VDAC1: variants seen among roughly 807,000 people sequenced by gnomAD.
The protein encoded by VDAC1 is non-selective voltage-gated ion channel VDAC1.
A neutral mutation model predicts 34.7 loss-of-function variants in VDAC1; 10 were observed. The observed-to-expected ratio is 0.29, with a 90% confidence interval of 0.18 to 0.49. The LOEUF is 0.49. VDAC1 is among the 20% of genes least tolerant of loss of function. VDAC1 has a pLI of 0.99. For missense variants in VDAC1, 230 were observed against 347.9 expected, an observed-to-expected ratio of 0.66 and a Z score of 2.69; for synonymous variants, 130 against 136.0, an observed-to-expected ratio of 0.96 and a Z score of 0.30.
the VDAC1 span, among the ~76,000 whole-genome samples, chr5:134,014,581 G>A: frequency 6.6e-6 from 1 of 152,038 alleles, no homozygotes; most frequent in Non-Finnish European, 1.5e-5. Flanking sequence ...AGGAAAATAA[G>A]TCATGGCTGA....
the VDAC1 span, among the ~76,000 whole-genome samples, chr5:134,016,987 C>T: frequency 7.9e-5 from 12 of 152,144 alleles, no homozygotes; most frequent in Non-Finnish European, 1.3e-4. Context: ...GCAGCAAGGC[C>T]CATGTGCCCC....
the VDAC1 span, among the ~76,000 whole-genome samples, chr5:134,029,082 G>C: frequency 6.6e-6 from 1 of 152,270 alleles, no homozygotes; most frequent in Admixed American, 6.5e-5. Flanking sequence ...TTTTCACACT[G>C]AAAGTCCCAC....
At chr5:134,105,526 T>C in the VDAC1 span, among the ~76,000 whole-genome samples, 1 of 152,194 alleles carries the variant, frequency 6.6e-6, no homozygotes, top group Non-Finnish European at 1.5e-5. Context: ...GCTACATGAG[T>C]GTTCCCAGTC....
the VDAC1 span, among the ~76,000 whole-genome samples, chr5:134,071,853 C>A: frequency 6.6e-6 from 1 of 152,118 alleles, no homozygotes. The surrounding 1 kb of genome is among the most constrained non-coding windows in gnomAD (Gnocchi z 4.1). Context: ...ATAATGGTCA[C>A]AGATCCACTC....
At chr5:134,102,675 AT>A in the VDAC1 span, among the ~76,000 whole-genome samples, 1 of 152,224 alleles carries the variant, frequency 6.6e-6, no homozygotes, top group African/African-American at 2.4e-5. Flanking sequence ...TCTCAAAAAA[AT>A]AAAATAAAAT....
chr5:134,054,899 C>T, the VDAC1 span, among the ~76,000 whole-genome samples: 13 of 152,178 alleles, frequency 8.5e-5, no homozygotes, highest in East Asian at 1.9e-4. Context: ...CTAGAGGTGG[C>T]GAGCAGAGGG....
the VDAC1 span, among the ~76,000 whole-genome samples, chr5:134,035,851 C>CA: frequency 6.6e-6 from 1 of 151,790 alleles, no homozygotes; most frequent in African/African-American, 2.4e-5. Flanking sequence ...CTAAAAACTA[C>CA]AAAAATTAGC....
the VDAC1 span, among the ~76,000 whole-genome samples, chr5:134,023,020 C>T: frequency 6.6e-6 from 1 of 152,322 alleles, no homozygotes; most frequent in East Asian, 1.9e-4. Context: ...AAGACACAGG[C>T]ACGCATATGT....
At position 133,980,873 on chromosome 5, in the gene VDAC1, G is replaced by A. The variant is rs1387148486; in HGVS notation, c.407C>T (p.Pro136Leu). 1.2e-6 allele frequency: 2 copies of A among 1,614,042 alleles called. No homozygotes were observed. The highest frequency in any genetic ancestry group is 2.2e-5 in the South Asian group (2 of 91,068). The change falls in exon 6 of 9, where the codon CCT becomes CTT. Residue 136 changes from proline to leucine, a missense_variant. Coordinates refer to ENST00000265333, the MANE Select transcript of VDAC1 (RefSeq NM_003374.3). ...TAGCACCAGAGCACCCCGGATGGAA[G>A]GCCCAGCAATGTCGAAATCCATGTC... ...GCDMDFDIAG[P>L]SIRGALVLGY... is the part of the protein sequence containing the mutation.
At chr5:134,097,051 T>C in the VDAC1 span, among the ~76,000 whole-genome samples, 1 of 152,214 alleles carries the variant, frequency 6.6e-6, no homozygotes. Context: ...CAGTGTTGCC[T>C]CTCTCAAAGC....
chr5:134,037,797 C>T, the VDAC1 span, among the ~76,000 whole-genome samples: 7 of 152,118 alleles, frequency 4.6e-5, no homozygotes, highest in Admixed American at 3.9e-4. Flanking sequence ...CAATAAATGC[C>T]TCTTTCTCTC....
chr5:134,114,116 C>T, the VDAC1 span, among the ~76,000 whole-genome samples: 6 of 152,244 alleles, frequency 3.9e-5, no homozygotes, highest in Non-Finnish European at 8.8e-5. Context: ...AATAAATGTG[C>T]GAAGGGGGGT....
the VDAC1 span, among the ~76,000 whole-genome samples, chr5:134,063,570 G>A: frequency 3.9e-3 from 591 of 152,276 alleles, 4 homozygotes; most frequent in Non-Finnish European, 6.7e-3. Flanking sequence ...TGCTTGCTGG[G>A]AATCCTTCTG....
the VDAC1 span, among the ~76,000 whole-genome samples, chr5:134,020,322 G>T: frequency 6.6e-6 from 1 of 151,790 alleles, no homozygotes; most frequent in African/African-American, 2.4e-5. Flanking sequence ...TACAAAACAG[G>T]TTCTTCCACG....
At chr5:133,993,381 G>T (rs980712522) in intron 1 of VDAC1, among the ~76,000 whole-genome samples, 4 of 152,202 alleles carry the variant, frequency 2.6e-5, no homozygotes, top group Non-Finnish European at 2.9e-5. Flanking sequence ...TGAATTGTAG[G>T]ACTGTTGCCA....
At chr5:134,104,354 G>C in the VDAC1 span, among the ~76,000 whole-genome samples, 1 of 152,234 alleles carries the variant, frequency 6.6e-6, no homozygotes, top group South Asian at 2.1e-4. Context: ...ACAGTGGGTG[G>C]GCATCCCTGA....
chr5:133,985,276 C>A lies in VDAC1; in HGVS notation c.324-4320G>T, dbSNP rs996700457. Among the ~76,000 whole-genome samples the A allele has an allele frequency of 3.9e-5, 6 of 152,330 alleles. No homozygotes were observed. In the East Asian group the frequency reaches 1.2e-3, roughly 29 times the overall value. ...AGAACAAGTGACAATGAAACTTATG[C>A]CTTGGAACCTCAATTTTGTTCAAGT... On this transcript the variant is annotated intron_variant, in intron 5 of 8. Coordinates refer to ENST00000265333, the MANE Select transcript of VDAC1 (RefSeq NM_003374.3).
chr5:134,110,285 G>A, the VDAC1 span, among the ~76,000 whole-genome samples: 1 of 152,146 alleles, frequency 6.6e-6, no homozygotes, highest in Non-Finnish European at 1.5e-5. Flanking sequence ...CTTGGTTATT[G>A]TATGAAGTCC....
At chr5:133,989,765 C>G (rs938577624) in intron 5 of VDAC1, among the ~76,000 whole-genome samples, 2 of 152,044 alleles carry the variant, frequency 1.3e-5, no homozygotes, top group Non-Finnish European at 2.9e-5. Context: ...CAGGTTCAAG[C>G]GATTCTCCTG....
Sources: gnomAD v4.1 joint callset for allele counts (sites outside exome capture counted in the v4.1 genomes callset) on GRCh38, gnomAD v4.1.1 for gene constraint, Gnocchi (gnomAD v3.1) non-coding constraint, MANE v1.5 for transcripts, NCBI Gene and HGNC (gene_info 2026-07-23, HGNC 2026-07-21) for gene names.